HEMGN: variants seen among roughly 807,000 people sequenced by gnomAD.
HEMGN encodes hemogen.
HEMGN carries 32 observed loss-of-function variants against 45.7 expected under a neutral mutation model. The observed-to-expected ratio is 0.70, with a 90% CI of 0.53 to 0.94. HEMGN has a LOEUF of 0.94. HEMGN is among the 40% of genes least tolerant of loss of function. The pLI, the probability that HEMGN is intolerant of heterozygous loss-of-function variation, is 0.00. For synonymous variants in HEMGN, 183 were observed against 178.6 expected (o/e 1.02, Z -0.20); for missense variants, 530 against 564.2 (o/e 0.94, Z 0.61).
At position 97,930,701 on chromosome 9, in the gene HEMGN, T is replaced by C. The variant is rs1826930376; in HGVS notation, c.694A>G (p.Met232Val). 1.9e-6 allele frequency: 3 copies of C among 1,614,182 alleles called. No homozygotes were observed. Among genetic ancestry groups the C allele is most frequent in the East Asian group, 4.5e-5 (2 of 44,874 alleles). ...TTGGGTACAGCAGCTTCTTGGCACA[T>C]TTTAGGAGCCAGATCTTCTCGTTTA... ...MAKREDLAPKMCQEAAVPKIL... is the reference protein window; with the variant it reads ...MAKREDLAPKVCQEAAVPKIL... The change falls in exon 3 of 4, where the codon ATG (methionine) becomes GTG (valine). Residue 232 changes from methionine (M) to valine (V), a missense_variant. Coordinates refer to ENST00000616898, the MANE Select transcript of HEMGN (RefSeq NM_197978.3).
chr9:97,930,530 G>A lies in HEMGN; in HGVS notation c.865C>T (p.Gln289Ter). Reference protein sequence around the residue: ...AEPEEYNETDQGIAETEGLFP... With the variant: ...AEPEEYNETD ...AGGCCTTCTGTCTCAGCTATTCCTT[G>A]ATCTGTTTCATTGTATTCCTCTGGT... The change falls in exon 3 of 4, where the codon CAA (glutamine) becomes TAA (stop). Residue 289 changes from glutamine to a stop codon, truncating the protein, a stop_gained. Transcript: ENST00000616898. LOFTEE classifies it high-confidence loss of function. The A allele has an allele frequency of 6.2e-7, 1 of 1,614,068 alleles. No individual in the cohort carries two copies. Among genetic ancestry groups the A allele is most frequent in the South Asian group, 1.1e-5 (1 of 91,074 alleles).
upstream of HEMGN, among the ~76,000 whole-genome samples, chr9:97,943,086 A>G (rs1331954049): frequency 6.6e-6 from 1 of 152,190 alleles, no homozygotes; most frequent in Admixed American, 6.5e-5. Context: ...TCTGATCCTC[A>G]GTTTCTTCCC....
chr9:97,941,148 G>A (rs1403063298), upstream of HEMGN, among the ~76,000 whole-genome samples: 3 of 152,164 alleles, frequency 2.0e-5, no homozygotes, highest in Admixed American at 6.5e-5. Flanking sequence ...TAAGAAAAAG[G>A]AGGTTGATGG....
chr9:97,940,881 T>C (rs1198607175), upstream of HEMGN, among the ~76,000 whole-genome samples: 2 of 152,252 alleles, frequency 1.3e-5, no homozygotes, highest in East Asian at 3.9e-4. Context: ...CAGTAATTTA[T>C]ACACTCAGGG....
At chr9:97,942,167 A>G (rs75736763), upstream of HEMGN, among the ~76,000 whole-genome samples, 563 of 152,322 alleles carry the variant, frequency 3.7e-3, 2 homozygotes, top group Non-Finnish European at 5.9e-3. Flanking sequence ...TTTCTGATGA[A>G]GAAACTGGTG....
chr9:97,937,986 A>T, intron 1 of HEMGN, 72 bp downstream of exon 1: 1 of 765,656 alleles, frequency 1.3e-6, no homozygotes, highest in Non-Finnish European at 2.1e-6. Flanking sequence ...GGCCAGATCC[A>T]TTGAAAAGAG....
chr9:97,931,177 C>G lies in HEMGN; in HGVS notation c.218G>C (p.Arg73Pro). Residue 73 changes from arginine (R) to proline (P), a missense_variant, in exon 3 of 4, where the codon CGA becomes CCA. By Grantham distance (103) the Arg-to-Pro change is moderately radical. Transcript: ENST00000616898. Reference protein sequence around the residue: ...RKQQRTGKGNRRGRKRQQNTE... With the variant: ...RKQQRTGKGNPRGRKRQQNTE... ...GTTTTGTTGTCTCTTTCTGCCTCTT[C>G]GATTTCCTTTTCCTGTTCTCTGCTG... 1 of 1,611,888 alleles carries G rather than the reference C, an allele frequency of 6.2e-7. No homozygotes were observed. Among genetic ancestry groups the G allele is most frequent in the Non-Finnish European group, 8.5e-7 (1 of 1,179,596 alleles).
chr9:97,942,980 A>G (rs1827174170), upstream of HEMGN, among the ~76,000 whole-genome samples: 1 of 152,162 alleles, frequency 6.6e-6, no homozygotes, highest in Non-Finnish European at 1.5e-5. Context: ...TACTGTGAAG[A>G]CCATATTATA....
At chr9:97,943,180 A>G (rs1053771697) in intron 1 of HEMGN, among the ~76,000 whole-genome samples, 1 of 152,204 alleles carries the variant, frequency 6.6e-6, no homozygotes, top group East Asian at 1.9e-4. Context: ...AATGAAAAAC[A>G]CGGCAGATAT....
chr9:97,943,185 A>G (rs901414099), intron 1 of HEMGN, among the ~76,000 whole-genome samples: 6 of 152,208 alleles, frequency 3.9e-5, no homozygotes, highest in African/African-American at 1.4e-4. Flanking sequence ...AAAACACGGC[A>G]GATATAAGTC....
chr9:97,941,638 C>T (rs1827153736), upstream of HEMGN, among the ~76,000 whole-genome samples: 1 of 152,200 alleles, frequency 6.6e-6, no homozygotes, highest in African/African-American at 2.4e-5. Context: ...TTGTTGTGAA[C>T]AACTGGAAGG....
At chr9:97,937,960 CTT>C (rs199724877) in intron 1 of HEMGN, 96 bp downstream of exon 1, 6,133 of 489,728 alleles carry the variant, frequency 0.013, no homozygotes, top group East Asian at 0.016. Flanking sequence ...CATTTATTTC[CTT>C]TTTTTTTTTT....
chr9:97,928,093 C>G (rs1253695875), intron 3 of HEMGN, among the ~76,000 whole-genome samples: 1 of 147,588 alleles, frequency 6.8e-6, no homozygotes, highest in African/African-American at 2.5e-5. Flanking sequence ...GTGGCGCGAT[C>G]TCTGCTCACT....
Position 97,930,888 on chromosome 9 carries a change from A to G in HEMGN, c.507T>C (p.Pro169=). The G allele has an allele frequency of 6.2e-7, 1 of 1,614,184 alleles. No homozygotes were observed. The highest frequency in any genetic ancestry group is 8.5e-7 in the Non-Finnish European group (1 of 1,180,000). Residue 169 remains proline (P), a synonymous_variant, in exon 3 of 4, where the codon CCT becomes CCC. Coordinates refer to ENST00000616898, the MANE Select transcript of HEMGN (RefSeq NM_197978.3). ...SSETCQHVSE[P]EDLSPKMYQE... The stretch of plus-strand genomic sequence containing the variant: ...GGTACATTTTAGGAGAGAGGTCTTC[A>G]GGTTCAGACACATGTTGGCATGTTT...
chr9:97,940,711 A>G (rs760199097), upstream of HEMGN, among the ~76,000 whole-genome samples: 2 of 152,208 alleles, frequency 1.3e-5, no homozygotes, highest in Non-Finnish European at 2.9e-5. Context: ...AGTTATTTGC[A>G]TATATACATA....
chr9:97,927,885 C>T (rs964472904), intron 3 of HEMGN, among the ~76,000 whole-genome samples: 5 of 151,828 alleles, frequency 3.3e-5, no homozygotes, highest in African/African-American at 1.2e-4. Context: ...TTCAAACAGG[C>T]AATTCTTAAA....
At chr9:97,940,859 T>C (rs951867376), upstream of HEMGN, among the ~76,000 whole-genome samples, 1 of 152,172 alleles carries the variant, frequency 6.6e-6, no homozygotes, top group Non-Finnish European at 1.5e-5. Context: ...TTCATGAACA[T>C]GCAGCCTGGG....
chr9:97,936,801 T>A (rs1238158255), intron 1 of HEMGN, among the ~76,000 whole-genome samples: 1 of 152,246 alleles, frequency 6.6e-6, no homozygotes, highest in African/African-American at 2.4e-5. Flanking sequence ...TCCTCTTGGA[T>A]TGAGCATTTA....
At chr9:97,929,301 T>C (rs777441281) in intron 3 of HEMGN, among the ~76,000 whole-genome samples, 1 of 152,236 alleles carries the variant, frequency 6.6e-6, no homozygotes, top group Non-Finnish European at 1.5e-5. Flanking sequence ...CATGTTTTTG[T>C]TGCACTCATC....
Sources: gnomAD v4.1 joint callset for allele counts (sites outside exome capture counted in the v4.1 genomes callset) on GRCh38, gnomAD v4.1.1 for gene constraint, MANE v1.5 for transcripts, NCBI Gene and HGNC (gene_info 2026-07-23, HGNC 2026-07-21) for gene names.